Variants in RGS5 observed in about 807,000 individuals in gnomAD.
The protein encoded by RGS5 is regulator of G-protein signalling 5.
In RGS5, 20 loss-of-function variants were observed where a neutral mutation model predicts 18.9. The observed-to-expected ratio is 1.06, with a 90% CI of 0.74 to 1.54. RGS5 has a LOEUF of 1.54. RGS5 is among the 40% of genes most tolerant of loss of function. The pLI, the probability that RGS5 is intolerant of heterozygous loss-of-function variation, is 0.00. For synonymous variants in RGS5, 57 were observed against 76.2 expected (o/e 0.75, Z 1.31); for missense variants, 201 against 211.8 (o/e 0.95, Z 0.32).
In RGS5 at chr1:163,286,109, C is replaced by A. The variant is rs559284582; in HGVS notation, c.-281+20124G>T. ...TCTGGGGATTCAACCAACCATGAAT[C>A]AAAAATATTTGGAAAAAAAACCCCC... On this transcript the variant is annotated intron_variant, in intron 2 of 5. Transcript: ENST00000618415. 2.3e-4 allele frequency among the ~76,000 whole-genome samples: 35 copies of A among 151,058 alleles called. 1 individual carries two copies. The highest frequency in any genetic ancestry group is 4.7e-4 in the Non-Finnish European group (32 of 67,786).
At chr1:163,213,810 C>T (rs551113866) in intron 1 of RGS5, among the ~76,000 whole-genome samples, 38 of 152,206 alleles carry the variant, frequency 2.5e-4, no homozygotes, top group South Asian at 1.5e-3. Flanking sequence ...GTTGACATTT[C>T]CACCATGGAT....
chr1:163,228,346 C>G (rs1232074755), intron 2 of RGS5, among the ~76,000 whole-genome samples: 1 of 152,268 alleles, frequency 6.6e-6, no homozygotes, highest in African/African-American at 2.4e-5. Flanking sequence ...AGGCCCAACA[C>G]CACATGGAAG....
At chr1:163,224,877 CTTTT>C (rs947617292) in intron 2 of RGS5, among the ~76,000 whole-genome samples, 1 of 151,108 alleles carries the variant, frequency 6.6e-6, no homozygotes, top group African/African-American at 2.4e-5. Flanking sequence ...GGCCATCAGA[CTTTT>C]TTTTTGTTAT....
At chr1:163,240,048 AG>A (rs199497798) in intron 2 of RGS5, among the ~76,000 whole-genome samples, 3 of 132,808 alleles carry the variant, frequency 2.3e-5, no homozygotes, top group Non-Finnish European at 5.4e-5. Flanking sequence ...ACTGTTTAGC[AG>A]GGTTTTTTTT....
chr1:163,288,320 A>C (rs1302651604), intron 2 of RGS5, among the ~76,000 whole-genome samples: 4 of 152,148 alleles, frequency 2.6e-5, no homozygotes, highest in African/African-American at 4.8e-5. Flanking sequence ...TTTAAGACAA[A>C]GTTTTGACAA....
chr1:163,240,935 T>C (rs1647775838), intron 2 of RGS5, among the ~76,000 whole-genome samples: 1 of 152,212 alleles, frequency 6.6e-6, no homozygotes, highest in Admixed American at 6.5e-5. Context: ...CATGACTTTG[T>C]TGGTTGTTCC....
chr1:163,196,223 T>G (rs1659560019), intron 1 of RGS5, among the ~76,000 whole-genome samples: 1 of 152,198 alleles, frequency 6.6e-6, no homozygotes, highest in African/African-American at 2.4e-5. Flanking sequence ...AGGAAAGAGA[T>G]AGGAAACTGT....
chr1:163,240,201 C>T (rs1363671940), intron 2 of RGS5, among the ~76,000 whole-genome samples: 1 of 151,716 alleles, frequency 6.6e-6, no homozygotes, highest in Non-Finnish European at 1.5e-5. Flanking sequence ...AAATTAGAAT[C>T]CATTCAAATG....
intron 1 of RGS5, 79 bp from the exon 2 acceptor site, chr1:163,168,447 G>T: frequency 9.4e-7 from 1 of 1,063,056 alleles, no homozygotes; most frequent in Non-Finnish European, 1.4e-6. Flanking sequence ...TCCTGTGTCA[G>T]AGAAACAAAA....
chr1:163,147,912 C>CTTTTTCTT, intron 4 of RGS5, among the ~76,000 whole-genome samples: 1 of 101,930 alleles, frequency 9.8e-6, no homozygotes, highest in East Asian at 3.3e-4. Context: ...GTGCTTTTTT[C>CTTTTTCTT]TTTTTCTTTT....
intron 2 of RGS5, chr1:163,244,954 T>A (rs182701629): frequency 6.6e-6 from 1 of 152,362 alleles, no homozygotes; most frequent in Non-Finnish European, 1.5e-5. Flanking sequence ...CCATAAGGGC[T>A]CATAGATCTT....
rs1308663550 is a variant in RGS5, at chr1:163,162,068, T to C, written c.156-92A>G. On this transcript the variant is annotated intron_variant, in intron 2 of 4. Coordinates refer to ENST00000313961, the MANE Select transcript of RGS5 (RefSeq NM_003617.4). ...ATAACTACTTCCTGTTTCTCTTAGATGGAAATGATATGACTGCTGGTCTAT... is the reference window on the plus strand; with the variant it reads ...ATAACTACTTCCTGTTTCTCTTAGACGGAAATGATATGACTGCTGGTCTAT... 4.6e-6 allele frequency: 4 copies of C among 866,930 alleles called. No individual in the cohort carries two copies. In the African/African-American group the frequency reaches 6.6e-5, roughly 14 times the overall value. 53.7% of individuals were successfully genotyped at this position (866,930 alleles called of 1,614,324 possible).
chr1:163,198,158 C>A (rs756477966), intron 1 of RGS5, among the ~76,000 whole-genome samples: 2 of 151,820 alleles, frequency 1.3e-5, no homozygotes, highest in Non-Finnish European at 2.9e-5. Flanking sequence ...ATTTTAAAAA[C>A]AAAATTTTTA....
intron 2 of RGS5, among the ~76,000 whole-genome samples, chr1:163,272,503 G>A (rs1648748022): frequency 6.6e-6 from 1 of 152,008 alleles, no homozygotes; most frequent in African/African-American, 2.4e-5. Flanking sequence ...TCACAAAGAT[G>A]TCCTCCTATG....
chr1:163,185,628 G>A (rs1659037589), intron 1 of RGS5, among the ~76,000 whole-genome samples: 1 of 152,166 alleles, frequency 6.6e-6, no homozygotes, highest in African/African-American at 2.4e-5. Flanking sequence ...CACCTCTGTA[G>A]GGAGATGAAG....
chr1:163,316,082 A>T (rs1366912896), intron 1 of RGS5, among the ~76,000 whole-genome samples: 1 of 152,224 alleles, frequency 6.6e-6, no homozygotes, highest in Admixed American at 6.5e-5. Context: ...ATTTATATAA[A>T]ATTATACACT....
At position 163,171,287 on chromosome 1, in the gene RGS5, T is replaced by G. The variant is rs575943967; in HGVS notation, c.45-2919A>C. Among the ~76,000 whole-genome samples, 17 of 152,296 alleles carry G rather than the reference T, an allele frequency of 1.1e-4. No individual in the cohort carries two copies. The South Asian group carries it at 3.5e-3, about 32-fold the overall frequency. On this transcript the variant is annotated intron_variant, in intron 1 of 4. Transcript: ENST00000313961. Reference sequence around the variant, plus strand: ...TTTGTGGCTACCCTCTGCTGACTAATGTGCAGTATTACAGTCAGAGATGCA... The same window carrying G: ...TTTGTGGCTACCCTCTGCTGACTAAGGTGCAGTATTACAGTCAGAGATGCA...
At chr1:163,275,971 A>T (rs1446408877) in intron 2 of RGS5, among the ~76,000 whole-genome samples, 2 of 152,120 alleles carry the variant, frequency 1.3e-5, no homozygotes, top group Non-Finnish European at 2.9e-5. Flanking sequence ...TCGTAAAATA[A>T]GAGTCTACCT....
In RGS5 at chr1:163,186,578, C is replaced by CAAA. The variant is rs34092786; in HGVS notation, c.44+16211_44+16213dup. ...TGGGCGACAGAGCGAGACTCTGTCT[C>CAAA]AAAAAAAAAAAAAAAAAAAGAAAAA... On this transcript the variant is annotated intron_variant, in intron 1 of 4. Transcript: ENST00000313961. Among the ~76,000 whole-genome samples the CAAA allele has an allele frequency of 2.0e-3, 190 of 95,858 alleles. 2 individuals carry two copies. The highest frequency in any genetic ancestry group is 2.7e-3 in the East Asian group (9 of 3,336). The allele number at this position is 95,858 out of a possible 152,430, so 62.9% of individuals were successfully genotyped here.
Sources: gnomAD v4.1 joint callset for allele counts (sites outside exome capture counted in the v4.1 genomes callset) on GRCh38, gnomAD v4.1.1 for gene constraint, MANE v1.5 for transcripts, NCBI Gene and HGNC (gene_info 2026-07-23, HGNC 2026-07-21) for gene names.